Variants in TNS1 observed in about 807,000 individuals in gnomAD.
TNS1 encodes the protein tensin-1.
In TNS1, 62 loss-of-function variants were observed where a neutral mutation model predicts 168.6. The ratio of observed to expected loss-of-function variants is 0.37; its 90% CI spans 0.30 to 0.45. The LOEUF is 0.45. Ranked by LOEUF, TNS1 falls within the 20% of genes least tolerant of loss-of-function variation. TNS1 has a pLI of 1.00. For synonymous variants in TNS1, 934 were observed against 933.2 expected, an observed-to-expected ratio of 1.00 and a Z score of -0.02; for missense variants, 2,240 against 2,339.4, an observed-to-expected ratio of 0.96 and a Z score of 0.88.
intron 4 of TNS1, among the ~76,000 whole-genome samples, chr2:217,910,713 T>TAA (rs1553608772): frequency 1.2e-4 from 13 of 106,740 alleles, no homozygotes; most frequent in Non-Finnish European, 2.3e-4. Flanking sequence ...CACATACACA[T>TAA]ACACACACAC....
Position 217,818,136 on chromosome 2 carries a change from G to T in TNS1, c.4196C>A (p.Pro1399His), listed in dbSNP as rs1452465027. The change falls in exon 24 of 33, where the codon CCT (proline) becomes CAT (histidine). Residue 1399 changes from proline to histidine, a missense_variant. Physicochemically the swap from Pro to His is moderately conservative, Grantham distance 77 (BLOSUM62 -2). Coordinates refer to ENST00000682258, the MANE Select transcript of TNS1 (RefSeq NM_001387777.1). ...GTGACGGCCCAGGCTGGGGCTTCCA[G>T]GGCTGGCTATTGCATTGCTATGAAG... ...SGLHSNAIAS[P>H]GSPSLGRHLG... The T allele has an allele frequency of 1.9e-6, 3 of 1,614,036 alleles. No individual in the cohort carries two copies. The highest frequency in any genetic ancestry group is 1.7e-5 in the Admixed American group (1 of 60,030).
chr2:217,890,145 A>G lies in TNS1; in HGVS notation c.866+817T>C, dbSNP rs111588329. Among the ~76,000 whole-genome samples, 1,028 of 152,276 alleles carry G rather than the reference A, an allele frequency of 6.8e-3. 14 individuals are homozygous for G. Among genetic ancestry groups the G allele is most frequent in the African/African-American group, 0.024 (988 of 41,524 alleles). On this transcript the variant is annotated intron_variant, in intron 12 of 32. Coordinates refer to ENST00000682258, the MANE Select transcript of TNS1 (RefSeq NM_001387777.1). Reference sequence around the variant, plus strand: ...ATCTGCAAAATGGGATGCCTAGATCATCACACGATAGCTCACCGTGATTCC... The same window carrying G: ...ATCTGCAAAATGGGATGCCTAGATCGTCACACGATAGCTCACCGTGATTCC...
At chr2:217,941,656 A>G (rs546972280) in intron 3 of TNS1, among the ~76,000 whole-genome samples, 1 of 152,252 alleles carries the variant, frequency 6.6e-6, no homozygotes, top group East Asian at 1.9e-4. Context: ...CAGCATCCCA[A>G]GAGACCATCC....
chr2:217,823,761 G>A (rs1470771313), intron 22 of TNS1, among the ~76,000 whole-genome samples: 2 of 152,234 alleles, frequency 1.3e-5, no homozygotes, highest in South Asian at 2.1e-4. Context: ...CTGCAAAGAG[G>A]CAGGCACGGG....
chr2:217,853,421 G>A (rs1213334204), intron 18 of TNS1, among the ~76,000 whole-genome samples: 1 of 152,142 alleles, frequency 6.6e-6, no homozygotes, highest in Non-Finnish European at 1.5e-5. Context: ...GCATGGGCTA[G>A]AGGGAGGGGT....
intron 11 of TNS1, among the ~76,000 whole-genome samples, chr2:217,892,498 T>C (rs1242305170): frequency 1.3e-5 from 2 of 152,244 alleles, no homozygotes; most frequent in Non-Finnish European, 2.9e-5. Flanking sequence ...GGATGTTCTT[T>C]ATTCTTGTTC....
intron 1 of TNS1, among the ~76,000 whole-genome samples, chr2:218,031,515 T>C (rs931446935): frequency 4.9e-5 from 7 of 142,982 alleles, no homozygotes; most frequent in African/African-American, 1.8e-4. Flanking sequence ...TGTATGAGTG[T>C]GTCTTGTGTG....
At chr2:217,976,215 G>A (rs1486392039) in intron 3 of TNS1, among the ~76,000 whole-genome samples, 1 of 152,112 alleles carries the variant, frequency 6.6e-6, no homozygotes, top group Non-Finnish European at 1.5e-5. Context: ...GACCCATGAG[G>A]GCCAAGACCT....
At chr2:218,028,830 C>T (rs1958870158) in intron 1 of TNS1, among the ~76,000 whole-genome samples, 1 of 152,148 alleles carries the variant, frequency 6.6e-6, no homozygotes, top group Non-Finnish European at 1.5e-5. Flanking sequence ...GGACCTGGCC[C>T]CTAAGCATAG....
chr2:217,926,615 A>C (rs1292346828), intron 3 of TNS1, among the ~76,000 whole-genome samples: 4 of 152,196 alleles, frequency 2.6e-5, no homozygotes, highest in Admixed American at 6.5e-5. Context: ...GGCTCAGAGA[A>C]GTTAAGCAAT....
At chr2:217,900,536 G>C in intron 6 of TNS1, 24 bp from the exon 7 acceptor site, 1 of 1,535,462 alleles carries the variant, frequency 6.5e-7, no homozygotes, top group Non-Finnish European at 8.7e-7. Flanking sequence ...AAGAGAAGCA[G>C]CATTATGCAG....
At chr2:217,966,900 G>C (rs769305724) in intron 3 of TNS1, among the ~76,000 whole-genome samples, 10 of 151,038 alleles carry the variant, frequency 6.6e-5, no homozygotes, top group Non-Finnish European at 1.5e-4. Flanking sequence ...TGCATAACTG[G>C]TGTTAAGACT....
At chr2:217,895,772 C>A (rs1312170491) in intron 8 of TNS1, among the ~76,000 whole-genome samples, 2 of 152,170 alleles carry the variant, frequency 1.3e-5, no homozygotes, top group African/African-American at 2.4e-5. Flanking sequence ...CCTGCCTCTA[C>A]CTCCGAGGGG....
chr2:217,989,959 TCCACACACCAG>T (rs1243805270), intron 2 of TNS1, among the ~76,000 whole-genome samples: 1 of 144,372 alleles, frequency 6.9e-6, no homozygotes, highest in Non-Finnish European at 1.5e-5. Flanking sequence ...CCTCACGCCA[TCCACACACCAG>T]CCACACACCC....
upstream of TNS1, among the ~76,000 whole-genome samples, chr2:218,007,189 AC>A (rs1201037037): frequency 1.1e-4 from 16 of 152,156 alleles, no homozygotes; most frequent in African/African-American, 3.9e-4. Context: ...CCAGGAATCT[AC>A]ACCAAAGCAC....
At chr2:217,831,341 G>T in intron 22 of TNS1, 114 bp downstream of exon 22, 2 of 911,182 alleles carry the variant, frequency 2.2e-6, no homozygotes, top group Non-Finnish European at 3.2e-6. Flanking sequence ...CCTGACCTCA[G>T]TGTGGGCACA....
intron 3 of TNS1, among the ~76,000 whole-genome samples, chr2:217,937,959 C>A (rs1244432343): frequency 6.6e-6 from 1 of 152,174 alleles, no homozygotes; most frequent in Non-Finnish European, 1.5e-5. Context: ...TGCTCCCATA[C>A]AGGGTGGCTG....
intron 7 of TNS1, 102 bp downstream of exon 7, chr2:217,900,361 A>T: frequency 7.4e-7 from 1 of 1,348,506 alleles, no homozygotes; most frequent in Non-Finnish European, 1.0e-6. Context: ...CCGTGGCTTT[A>T]TGGCTGCAGT....
intron 3 of TNS1, among the ~76,000 whole-genome samples, chr2:217,977,108 G>A (rs976770170): frequency 1.3e-5 from 2 of 152,176 alleles, no homozygotes; most frequent in African/African-American, 4.8e-5. Context: ...CCAAAGCACT[G>A]TACAAATGTC....
Sources: gnomAD v4.1 joint callset for allele counts (sites outside exome capture counted in the v4.1 genomes callset) on GRCh38, gnomAD v4.1.1 for gene constraint, MANE v1.5 for transcripts, NCBI Gene and HGNC (gene_info 2026-07-23, HGNC 2026-07-21) for gene names.